The following SRGAP1 variants were observed in gnomAD, a reference collection of about 807,000 sequenced individuals.
The protein encoded by SRGAP1 is SLIT-ROBO Rho GTPase activating protein 1.
SRGAP1 carries 43 observed loss-of-function variants against 121.9 expected under a neutral mutation model. That is an observed-to-expected ratio of 0.35 (90% CI 0.28 to 0.46). The LOEUF (loss-of-function observed/expected upper bound fraction) is 0.46. Among genes scored for constraint, SRGAP1 ranks in the 20% least tolerant of loss-of-function variants. The pLI is 1.00. For missense variants in SRGAP1, 1,102 were observed against 1,350.9 expected (o/e 0.82, Z 2.89); for synonymous variants, 447 against 485.4 (o/e 0.92, Z 1.04).
chr12:64,088,720 G>A (rs921023863), intron 11 of SRGAP1, among the ~76,000 whole-genome samples: 7 of 152,268 alleles, frequency 4.6e-5, no homozygotes, highest in African/African-American at 9.6e-5. Context: ...ACTTGCATGC[G>A]TTCATATTTA....
At chr12:64,043,412 A>G (rs1472411868) in intron 5 of SRGAP1, 35 bp from the exon 6 acceptor site, 1 of 1,591,340 alleles carries the variant, frequency 6.3e-7, no homozygotes, top group Non-Finnish European at 8.5e-7. Context: ...ATGACTTTGC[A>G]TTCTTTCCCA....
Position 63,917,494 on chromosome 12 carries a change from C to T in SRGAP1, c.68-66453C>T, listed in dbSNP as rs78381067. ...GGAGCAATGTGAGTCAACAGCACTG[C>T]GCAGTTGCTCCTTTTGAATTTGCTA... On this transcript the variant is annotated intron_variant, in intron 1 of 21. Transcript: ENST00000355086. 1.1e-3 allele frequency among the ~76,000 whole-genome samples: 174 copies of T among 152,160 alleles called. 3 individuals are homozygous for T. In the East Asian group the frequency reaches 0.028, roughly 24 times the overall value.
intron 18 of SRGAP1, 39 bp downstream of exon 18, chr12:64,115,932 A>AT: frequency 6.5e-7 from 1 of 1,540,982 alleles, no homozygotes; most frequent in Non-Finnish European, 8.9e-7. Flanking sequence ...GCCAGTCTTT[A>AT]TATCCCTATT....
chr12:64,087,752 A>G (rs1030361391), intron 11 of SRGAP1, among the ~76,000 whole-genome samples: 1 of 152,162 alleles, frequency 6.6e-6, no homozygotes. Flanking sequence ...AAAATAAAAA[A>G]TAAAAATAAA....
Position 64,095,008 on chromosome 12 carries a change from C to A in SRGAP1, c.1600+16C>A, listed in dbSNP as rs2036127278. ...AATCTCTATGGTAAGCCATAAACTA[C>A]AGAATTCTTATTTTTTAAAAAATCA... is the stretch of plus-strand genomic sequence containing the variant. On this transcript the variant is annotated intron_variant, in intron 13 of 21. Coordinates refer to ENST00000355086, the MANE Select transcript of SRGAP1 (RefSeq NM_020762.4). The A allele has an allele frequency of 6.2e-7, 1 of 1,613,552 alleles. No individual in the cohort carries two copies. The highest frequency in any genetic ancestry group is 1.3e-5 in the African/African-American group (1 of 75,010).
Position 64,065,198 on chromosome 12 carries a change from G to C in SRGAP1, c.1104G>C (p.Thr368=). 6.2e-7 allele frequency: 1 copy of C among 1,612,834 alleles called. No individual in the cohort carries two copies. The highest frequency in any genetic ancestry group is 8.5e-7 in the Non-Finnish European group (1 of 1,179,650). ...AACAGTTGCAGTCCCGCCTTGCCAC[G>C]CTCAAAATCGAGAATGAAGAGGTGA... ...RYQQLQSRLA[T]LKIENEEVKK... The change falls in exon 8 of 22, where the codon ACG becomes ACC. Residue 368 remains threonine, a synonymous_variant. Transcript: ENST00000355086.
At chr12:64,035,897 T>A (rs2034893088) in intron 4 of SRGAP1, among the ~76,000 whole-genome samples, 1 of 152,204 alleles carries the variant, frequency 6.6e-6, no homozygotes, top group African/African-American at 2.4e-5. Context: ...ACATCATACC[T>A]TAGACACTGT....
At chr12:64,016,830 T>G in intron 3 of SRGAP1, 120 bp from the exon 4 acceptor site, 1 of 564,174 alleles carries the variant, frequency 1.8e-6, no homozygotes, top group African/African-American at 1.9e-5. Flanking sequence ...CCGTTAAAGA[T>G]GTTTACTACA....
At position 64,152,911 on chromosome 12, in the gene SRGAP1, TAAAAAAAAAA is replaced by T. The variant is rs57320190; in HGVS notation, c.*10255_*10264del. ...ATGGAGTGTACTTCCTGGTATGATT[TAAAAAAAAAA>T]AAAAAAAAAAAAAAACCACTACATA... On this transcript the variant is annotated 3_prime_UTR_variant, in exon 22 of 22. Transcript: ENST00000355086. 56 of 89,926 alleles carry T rather than the reference TAAAAAAAAAA, an allele frequency of 6.2e-4. No homozygotes were observed. The highest frequency in any genetic ancestry group is 5.8e-3 in the East Asian group (17 of 2,952). The allele number at this position is 89,926 out of a possible 1,614,324, so 5.6% of individuals were successfully genotyped here.
intron 6 of SRGAP1, among the ~76,000 whole-genome samples, chr12:64,054,495 C>A (rs567867755): frequency 6.6e-6 from 1 of 152,088 alleles, no homozygotes; most frequent in African/African-American, 2.4e-5. Context: ...CCCCATATAA[C>A]GGTATTAAGA....
chr12:64,032,194 G>C (rs138353704), intron 4 of SRGAP1, among the ~76,000 whole-genome samples: 1 of 152,240 alleles, frequency 6.6e-6, no homozygotes, highest in African/African-American at 2.4e-5. Flanking sequence ...AGTGTCCCAT[G>C]CTCCAGTGCT....
intron 1 of SRGAP1, among the ~76,000 whole-genome samples, chr12:63,886,146 C>T (rs138330760): frequency 0.086 from 13,097 of 152,132 alleles, 657 homozygotes; most frequent in East Asian, 0.14. Flanking sequence ...CTGCAACCTT[C>T]GCCTCCCAGG....
intron 1 of SRGAP1, among the ~76,000 whole-genome samples, chr12:63,899,315 T>A (rs944551403): frequency 6.6e-6 from 1 of 151,788 alleles, no homozygotes. Flanking sequence ...CCTGCCTGGG[T>A]GACAGAGTGA....
rs139409442 is a variant in SRGAP1 at position 64,157,572 on chromosome 12, C to T, written c.*14900C>T. On this transcript the variant is annotated 3_prime_UTR_variant, in exon 22 of 22. Coordinates refer to ENST00000355086, the MANE Select transcript of SRGAP1 (RefSeq NM_020762.4). ...ATTGTTCTTCCTGGAAATGAGTCTA[C>T]AAAATCAACATTAAGGAAAAAATGA... 1.4e-4 allele frequency: 22 copies of T among 152,202 alleles called. No homozygotes were observed. In the East Asian group the frequency reaches 4.2e-3, roughly 29 times the overall value. 9.4% of individuals were successfully genotyped at this position (152,202 alleles called of 1,614,324 possible).
intron 1 of SRGAP1, among the ~76,000 whole-genome samples, chr12:63,866,081 A>G (rs954512321): frequency 2.6e-5 from 4 of 152,190 alleles, no homozygotes; most frequent in East Asian, 3.9e-4. Flanking sequence ...TGCTCAGCTC[A>G]TGAGGCACCC....
At chr12:63,863,073 CT>C (rs1899508306) in intron 1 of SRGAP1, among the ~76,000 whole-genome samples, 3 of 152,104 alleles carry the variant, frequency 2.0e-5, no homozygotes, top group Admixed American at 2.0e-4. Flanking sequence ...CAAGTTTTCA[CT>C]TTTATTTACT....
At chr12:64,057,100 G>C (rs1362515300) in intron 6 of SRGAP1, among the ~76,000 whole-genome samples, 1 of 152,106 alleles carries the variant, frequency 6.6e-6, no homozygotes, top group Non-Finnish European at 1.5e-5. Context: ...TATATGGGTG[G>C]GTGATGTGTT....
intron 1 of SRGAP1, among the ~76,000 whole-genome samples, chr12:63,963,042 G>A (rs1259249295): frequency 3.9e-5 from 6 of 151,984 alleles, no homozygotes; most frequent in Admixed American, 1.3e-4. Flanking sequence ...AATTATGTTT[G>A]TGGCCTACAT....
intron 1 of SRGAP1, among the ~76,000 whole-genome samples, chr12:63,889,014 C>G (rs1008144294): frequency 1.3e-5 from 2 of 152,186 alleles, no homozygotes; most frequent in Admixed American, 6.5e-5. Context: ...TAACCCTACC[C>G]ATAGCTGCTG....
Sources: allele counts gnomAD v4.1 joint callset (sites outside exome capture counted in the v4.1 genomes callset), GRCh38; gene constraint gnomAD v4.1.1; transcripts MANE v1.5; gene names NCBI Gene and HGNC (gene_info 2026-07-23, HGNC 2026-07-21).